The following PTPN13 variants were observed in gnomAD, a reference collection of about 807,000 sequenced individuals.
PTPN13 encodes the protein protein tyrosine phosphatase non-receptor type 13, also known as tyrosine-protein phosphatase non-receptor type 13.
In PTPN13, 191 loss-of-function variants were observed where a neutral mutation model predicts 284.0. The observed-to-expected ratio is 0.67, with a 90% confidence interval of 0.60 to 0.76. The LOEUF is 0.76. PTPN13 is among the 30% of genes least tolerant of loss of function. The probability of loss-of-function intolerance (pLI) is 0.00; values close to 1 mark genes in which losing one functional copy is unlikely to be tolerated. For missense variants in PTPN13, 2,797 were observed against 2,939.9 expected (o/e 0.95, Z 1.12); for synonymous variants, 986 against 1,022.3 (o/e 0.96, Z 0.68).
At chr4:86,600,681 C>T (rs1565116381) in intron 1 of PTPN13, among the ~76,000 whole-genome samples, 1 of 151,690 alleles carries the variant, frequency 6.6e-6, no homozygotes, top group East Asian at 1.9e-4. Context: ...AAGTTGTGTT[C>T]TGTTTTGTTT....
Position 86,745,027 on chromosome 4 carries a change from A to G in PTPN13, c.2549A>G (p.Asn850Ser), listed in dbSNP as rs764347754. 6.2e-6 allele frequency: 10 copies of G among 1,606,522 alleles called. No homozygotes were observed. The highest frequency in any genetic ancestry group is 8.5e-6 in the Non-Finnish European group (10 of 1,176,194). The stretch of plus-strand genomic sequence containing the variant: ...ATAAAACATGGCTTCCAGACAGACA[A>G]CAGTAAGATATGCCAGTACCTGCTG... Reference protein sequence around the residue: ...DGIKHGFQTDNSKICQYLLHL... With the variant: ...DGIKHGFQTDSSKICQYLLHL... The change falls in exon 17 of 48, where the codon AAC becomes AGC. Residue 850 changes from asparagine (N) to serine (S), a missense_variant. Asn to Ser is a conservative substitution (Grantham distance 46). Coordinates refer to ENST00000411767, the MANE Select transcript of PTPN13 (RefSeq NM_080683.3).
At chr4:86,781,500 T>C (rs193034212) in intron 36 of PTPN13, among the ~76,000 whole-genome samples, 55 of 152,316 alleles carry the variant, frequency 3.6e-4, no homozygotes, top group African/African-American at 1.3e-3. Flanking sequence ...TATTTTCCTG[T>C]GTTGAATTGA....
At chr4:86,655,804 G>T (rs901615952) in intron 2 of PTPN13, among the ~76,000 whole-genome samples, 1 of 152,108 alleles carries the variant, frequency 6.6e-6, no homozygotes, top group African/African-American at 2.4e-5. Context: ...GCTAGGTTGG[G>T]GAAGTTCTCC....
chr4:86,626,658 G>A (rs1341557104), intron 1 of PTPN13, among the ~76,000 whole-genome samples: 1 of 151,998 alleles, frequency 6.6e-6, no homozygotes, highest in Non-Finnish European at 1.5e-5. Flanking sequence ...CATTGTTGGT[G>A]GGGATGTAAA....
intron 1 of PTPN13, among the ~76,000 whole-genome samples, chr4:86,632,321 C>G (rs531536518): frequency 3.9e-5 from 6 of 152,194 alleles, no homozygotes; most frequent in Non-Finnish European, 7.3e-5. Flanking sequence ...GTTGCTATAT[C>G]TGACCCCATC....
At chr4:86,651,212 C>G (rs983621097) in intron 2 of PTPN13, among the ~76,000 whole-genome samples, 2 of 152,112 alleles carry the variant, frequency 1.3e-5, no homozygotes, top group Non-Finnish European at 2.9e-5. Flanking sequence ...ATGATATCTA[C>G]CATTGATTGA....
Position 86,764,740 on chromosome 4 carries a change from G to T in PTPN13, c.4149+16G>T. ...AAGTGTCACGGTACTGTTTGACAAG[G>T]TTTTCAAATGTTTTCTCTTCTTTAA... On this transcript the variant is annotated intron_variant, in intron 25 of 47. Coordinates refer to ENST00000411767, the MANE Select transcript of PTPN13 (RefSeq NM_080683.3). 1.1e-5 allele frequency: 17 copies of T among 1,586,746 alleles called. No homozygotes were observed. Among genetic ancestry groups the T allele is most frequent in the Admixed American group, 1.9e-5 (1 of 52,314 alleles).
chr4:86,693,565 AT>A, intron 5 of PTPN13, 21 bp from the exon 6 acceptor site: 1 of 1,450,032 alleles, frequency 6.9e-7, no homozygotes, highest in Non-Finnish European at 9.3e-7. Flanking sequence ...GTCAAACTTG[AT>A]TTTTTATTAC....
intron 1 of PTPN13, among the ~76,000 whole-genome samples, chr4:86,625,310 T>C (rs1280443345): frequency 6.6e-6 from 1 of 152,078 alleles, no homozygotes; most frequent in Non-Finnish European, 1.5e-5. Context: ...TAATACAGGT[T>C]ATTTCCCCTA....
intron 3 of PTPN13, 114 bp downstream of exon 3, chr4:86,672,657 G>T (rs541864140): frequency 2.6e-6 from 2 of 783,216 alleles, no homozygotes; most frequent in Admixed American, 3.4e-5. Flanking sequence ...TTAAATGACC[G>T]TGTATTCCAA....
chr4:86,659,331 C>A (rs561368626), intron 2 of PTPN13, among the ~76,000 whole-genome samples: 7 of 151,788 alleles, frequency 4.6e-5, no homozygotes, highest in Non-Finnish European at 1.0e-4. Flanking sequence ...ATAACATATG[C>A]CAATTCAGAC....
intron 2 of PTPN13, among the ~76,000 whole-genome samples, chr4:86,668,169 A>T (rs952896893): frequency 6.6e-6 from 1 of 152,162 alleles, no homozygotes; most frequent in African/African-American, 2.4e-5. Context: ...TTCATATCAG[A>T]TTTACTCTTT....
chr4:86,716,900 CATT>C (rs1022823667), intron 8 of PTPN13, 121 bp from the exon 9 acceptor site: 2 of 671,238 alleles, frequency 3.0e-6, no homozygotes, highest in Non-Finnish European at 5.0e-6. Context: ...AACATTATGT[CATT>C]AATTTTGTTC....
At chr4:86,807,343 AAACT>A (rs1191687425) in intron 44 of PTPN13, among the ~76,000 whole-genome samples, 3 of 152,244 alleles carry the variant, frequency 2.0e-5, no homozygotes, top group East Asian at 3.8e-4. Context: ...GAAACTCACT[AAACT>A]AACAGCTTAG....
At chr4:86,735,208 G>C (rs1216001344) in intron 14 of PTPN13, among the ~76,000 whole-genome samples, 1 of 152,172 alleles carries the variant, frequency 6.6e-6, no homozygotes, top group Non-Finnish European at 1.5e-5. Flanking sequence ...CACATGATGG[G>C]CTGGCAGCCT....
chr4:86,774,497 A>G lies in PTPN13; in HGVS notation c.5474A>G (p.Asp1825Gly), dbSNP rs1444370646. 1.2e-6 allele frequency: 2 copies of G among 1,604,140 alleles called. No individual in the cohort carries two copies. Among genetic ancestry groups the G allele is most frequent in the South Asian group, 2.3e-5 (2 of 88,692 alleles). ...GTCATACAGGATCCAGCCAAAAGTGATGGAAGGCTAAAACCTGGGGACCGG... is the reference window on the plus strand; with the variant it reads ...GTCATACAGGATCCAGCCAAAAGTGGTGGAAGGCTAAAACCTGGGGACCGG... ...HDVIQDPAKS[D>G]GRLKPGDRLI... The change falls in exon 33 of 48, where the codon GAT becomes GGT. Residue 1825 changes from aspartate to glycine, a missense_variant. Transcript: ENST00000411767.
At chr4:86,727,816 C>T (rs1734457483) in intron 10 of PTPN13, among the ~76,000 whole-genome samples, 1 of 149,412 alleles carries the variant, frequency 6.7e-6, no homozygotes, top group African/African-American at 2.4e-5. Flanking sequence ...CTATCTCCTT[C>T]AGTTCTGCTC....
At chr4:86,609,009 A>G (rs1000148591) in intron 1 of PTPN13, among the ~76,000 whole-genome samples, 3 of 152,130 alleles carry the variant, frequency 2.0e-5, no homozygotes, top group Non-Finnish European at 2.9e-5. Context: ...GTCTGAGGAG[A>G]ACTACAAAAG....
intron 3 of PTPN13, among the ~76,000 whole-genome samples, chr4:86,680,355 A>G (rs913755849): frequency 1.6e-4 from 20 of 121,538 alleles, no homozygotes; most frequent in African/African-American, 5.8e-4. Context: ...ATCTCTATCT[A>G]TCTATCTATC....
Sources: allele counts gnomAD v4.1 joint callset (sites outside exome capture counted in the v4.1 genomes callset), GRCh38; gene constraint gnomAD v4.1.1; transcripts MANE v1.5; gene names NCBI Gene and HGNC (gene_info 2026-07-23, HGNC 2026-07-21).